SYTL2: variants seen among roughly 807,000 people sequenced by gnomAD.
SYTL2 encodes the protein synaptotagmin like 2, also known as synaptotagmin-like protein 2.
A neutral mutation model predicts 198.7 loss-of-function variants in SYTL2; 165 were observed. The ratio of observed to expected loss-of-function variants is 0.83; its 90% CI spans 0.73 to 0.94. The LOEUF is 0.94. SYTL2 is among the 40% of genes least tolerant of loss of function. The probability of loss-of-function intolerance (pLI) is 0.00; values close to 1 mark genes in which losing one functional copy is unlikely to be tolerated. For missense variants in SYTL2, 2,835 were observed against 2,582.8 expected, an observed-to-expected ratio of 1.10 and a Z score of -2.12; for synonymous variants, 966 against 917.7, an observed-to-expected ratio of 1.05 and a Z score of -0.95.
chr11:85,781,696 T>C (rs2092562519), intron 1 of SYTL2, among the ~76,000 whole-genome samples: 1 of 152,162 alleles, frequency 6.6e-6, no homozygotes, highest in African/African-American at 2.4e-5. Context: ...TTGGCAGAAA[T>C]GAAGGGGCAA....
the SYTL2 span, among the ~76,000 whole-genome samples, chr11:85,838,585 G>A: frequency 6.6e-6 from 1 of 152,120 alleles, no homozygotes; most frequent in Non-Finnish European, 1.5e-5. Context: ...CTCACACGGT[G>A]AAAGCAGGAA....
At chr11:85,702,648 A>G (rs745396248) in intron 16 of SYTL2, among the ~76,000 whole-genome samples, 3 of 152,186 alleles carry the variant, frequency 2.0e-5, no homozygotes, top group Non-Finnish European at 2.9e-5. Flanking sequence ...TTGTGCTTCA[A>G]AGTCAGTTTA....
the SYTL2 span, among the ~76,000 whole-genome samples, chr11:85,832,705 T>G: frequency 6.6e-6 from 1 of 152,028 alleles, no homozygotes; most frequent in Non-Finnish European, 1.5e-5. Context: ...CTATAGGTTT[T>G]TAAGGCCTAG....
At chr11:85,847,750 T>C in the SYTL2 span, among the ~76,000 whole-genome samples, 5 of 152,352 alleles carry the variant, frequency 3.3e-5, no homozygotes, top group East Asian at 3.9e-4. Context: ...CATGTGCCAA[T>C]TGGCCATGAA....
At chr11:85,708,835 T>C (rs28368510) in intron 14 of SYTL2, among the ~76,000 whole-genome samples, 2 of 126,300 alleles carry the variant, frequency 1.6e-5, no homozygotes, top group Non-Finnish European at 3.3e-5. Context: ...TGCTTCTCTG[T>C]GATTTTTTTT....
the SYTL2 span, among the ~76,000 whole-genome samples, chr11:85,817,897 C>CTTTTTTTTTTTTTTTTTTTTTT: frequency 8.3e-6 from 1 of 119,872 alleles, no homozygotes; most frequent in Admixed American, 8.5e-5. Context: ...ACCTTTGTGT[C>CTTTTTTTTTTTTTTTTTTTTTT]TTTTCTTTTT....
rs73504812 is a variant in SYTL2, at chr11:85,728,779, T to G, written c.1391-812A>C. Among the ~76,000 whole-genome samples the G allele has an allele frequency of 6.1e-3, 931 of 152,274 alleles. 8 individuals carry two copies. Among genetic ancestry groups the G allele is most frequent in the African/African-American group, 0.021 (880 of 41,544 alleles). On this transcript the variant is annotated intron_variant, in intron 7 of 19. Transcript: ENST00000359152. ...ATTTCAGGAGTTAGAAAAATAACTT[T>G]CAAATAAGACTAAACAAGGAATTTT... is the stretch of plus-strand genomic sequence containing the variant.
intron 15 of SYTL2, among the ~76,000 whole-genome samples, chr11:85,707,129 C>T (rs1591602678): frequency 6.6e-6 from 1 of 152,212 alleles, no homozygotes; most frequent in African/African-American, 2.4e-5. Context: ...GCGTGAACCA[C>T]CTCACCCAGC....
chr11:85,706,302 G>A (rs1017816884), intron 15 of SYTL2, among the ~76,000 whole-genome samples: 2 of 152,124 alleles, frequency 1.3e-5, no homozygotes, highest in Non-Finnish European at 2.9e-5. Context: ...ACCCGACTTG[G>A]CAGATCTGAG....
the SYTL2 span, among the ~76,000 whole-genome samples, chr11:85,839,281 TC>T: frequency 6.6e-6 from 1 of 152,214 alleles, no homozygotes; most frequent in South Asian, 2.1e-4. Context: ...TCTTATTCAC[TC>T]TTTCTAACTA....
At chr11:85,795,584 T>TA (rs1566033448) in intron 1 of SYTL2, among the ~76,000 whole-genome samples, 1 of 151,650 alleles carries the variant, frequency 6.6e-6, no homozygotes, top group South Asian at 2.1e-4. Context: ...CTGCTTATGT[T>TA]AAAAAAAGAA....
At chr11:85,807,592 G>C (rs996329647) in intron 1 of SYTL2, among the ~76,000 whole-genome samples, 1 of 58,464 alleles carries the variant, frequency 1.7e-5, no homozygotes, top group African/African-American at 1.3e-4. Flanking sequence ...ATGCAATGCT[G>C]GGGCAATGAC....
intron 4 of SYTL2, among the ~76,000 whole-genome samples, chr11:85,738,651 G>A (rs2090543577): frequency 6.6e-6 from 1 of 152,124 alleles, no homozygotes; most frequent in South Asian, 2.1e-4. Flanking sequence ...GAACCAGAAA[G>A]CAATTTCTCT....
chr11:85,837,261 T>C, the SYTL2 span, among the ~76,000 whole-genome samples: 4 of 152,130 alleles, frequency 2.6e-5, no homozygotes, highest in East Asian at 1.9e-4. Context: ...CGGAGGCAAT[T>C]AAGGTAATGA....
At chr11:85,841,350 C>T in the SYTL2 span, among the ~76,000 whole-genome samples, 1 of 152,184 alleles carries the variant, frequency 6.6e-6, no homozygotes, top group East Asian at 1.9e-4. Context: ...AATCGTCCTA[C>T]TACAAAGACA....
chr11:85,733,329 T>A (rs1482946890), intron 7 of SYTL2, among the ~76,000 whole-genome samples: 1 of 152,230 alleles, frequency 6.6e-6, no homozygotes, highest in Non-Finnish European at 1.5e-5. Context: ...CTATTCCACC[T>A]TGATTTAACT....
the SYTL2 span, among the ~76,000 whole-genome samples, chr11:85,851,029 G>A: frequency 8.1e-6 from 1 of 123,150 alleles, no homozygotes; most frequent in Non-Finnish European, 1.6e-5. Context: ...ACTGTGGTGG[G>A]GTGGGGGGAG....
At position 85,734,160 on chromosome 11, in the gene SYTL2, G is replaced by A; in HGVS notation, c.1169C>T (p.Pro390Leu). The change falls in exon 7 of 20, where the codon CCT (proline) becomes CTT (leucine). Residue 390 changes from proline (P) to leucine (L), a missense_variant. Physicochemically the swap from Pro to Leu is moderately conservative, Grantham distance 98. Around this residue, in one of 3 missense-constraint regions of SYTL2, gnomAD observed 2,645 missense variants for 2,381.7 expected, o/e 1.11. Coordinates refer to ENST00000359152, the MANE Select transcript of SYTL2 (RefSeq NM_206927.4). Reference protein sequence around the residue: ...SDPKPSQYRKPSLFHQSTSSP... With the variant: ...SDPKPSQYRKLSLFHQSTSSP... ...TGAGGTTGATTGATGAAAAAGCGAAGGCTTTCTGTATTGAGAAGGCTTAGG... is the reference window on the plus strand; with the variant it reads ...TGAGGTTGATTGATGAAAAAGCGAAAGCTTTCTGTATTGAGAAGGCTTAGG... The A allele has an allele frequency of 6.2e-7, 1 of 1,614,130 alleles. No homozygotes were observed. Among genetic ancestry groups the A allele is most frequent in the Non-Finnish European group, 8.5e-7 (1 of 1,179,986 alleles).
Position 85,725,083 on chromosome 11 carries a change from G to T in SYTL2, c.4275C>A (p.Thr1425=). ...GVISPWATMD[T]IVPDRKDFYS... Reference sequence around the variant, plus strand: ...AAAAATCCTTCCTGTCTGGAACTATGGTGTCCATCGTAGCCCATGGTGATA... The same window carrying T: ...AAAAATCCTTCCTGTCTGGAACTATTGTGTCCATCGTAGCCCATGGTGATA... Residue 1425 remains threonine (T), a synonymous_variant, in exon 8 of 20, where the codon ACC becomes ACA. Transcript: ENST00000359152. The T allele has an allele frequency of 6.2e-7, 1 of 1,614,120 alleles. No individual in the cohort carries two copies. The highest frequency in any genetic ancestry group is 8.5e-7 in the Non-Finnish European group (1 of 1,179,988).
Sources: gnomAD v4.1 joint callset for allele counts (sites outside exome capture counted in the v4.1 genomes callset) on GRCh38, gnomAD v4.1.1 for gene constraint, gnomAD v4.1.1 regional missense constraint, MANE v1.5 for transcripts, NCBI Gene and HGNC (gene_info 2026-07-23, HGNC 2026-07-21) for gene names.